OR11H4: variants seen among roughly 807,000 people sequenced by gnomAD.
OR11H4 encodes olfactory receptor 11H4.
For missense variants in OR11H4, 460 were observed against 371.1 expected (o/e 1.24, Z -1.97); for synonymous variants, 162 against 142.3 (o/e 1.14, Z -0.98).
At chr14:20,240,825 T>C (rs2138748490) in intron 1 of OR11H4, among the ~76,000 whole-genome samples, 1 of 152,166 alleles carries the variant, frequency 6.6e-6, no homozygotes, top group African/African-American at 2.4e-5. Context: ...ATCTACCCAC[T>C]TTGGCCTCTC....
chr14:20,240,856 A>C (rs11846995), intron 1 of OR11H4, among the ~76,000 whole-genome samples: 11,604 of 152,172 alleles, frequency 0.076, 1,075 homozygotes, highest in African/African-American at 0.22. Flanking sequence ...AACTATAGGC[A>C]TAAGACATTA....
In OR11H4 at chr14:20,243,745, G is replaced by A; in HGVS notation, c.924G>A (p.Met308Ile). 1 of 1,579,492 alleles carries A rather than the reference G, an allele frequency of 6.3e-7. No individual in the cohort carries two copies. The highest frequency in any genetic ancestry group is 8.6e-7 in the Non-Finnish European group (1 of 1,163,270). The change falls in exon 2 of 2, where the codon ATG (methionine) becomes ATA (isoleucine). Residue 308 changes from methionine to isoleucine, a missense_variant. By Grantham distance (10) the Met-to-Ile change is conservative. Coordinates refer to ENST00000641082, the MANE Select transcript of OR11H4 (RefSeq NM_001004479.2). ...KLALRNVLFG[M>I]RIRQNS The stretch of plus-strand genomic sequence containing the variant: ...CTCTGAGAAATGTCCTGTTTGGAAT[G>A]AGAATTCGTCAAAATTCGTGAGCCA...
In OR11H4 at chr14:20,243,660, T is replaced by A; in HGVS notation, c.839T>A (p.Val280Glu). Residue 280 changes from valine to glutamate, a missense_variant, in exon 2 of 2, where the codon GTA (valine) becomes GAA (glutamate). By Grantham distance (121) the Val-to-Glu change is moderately radical (BLOSUM62 -2). Transcript: ENST00000641082. Reference protein sequence around the residue: ...LQKILTLVYSVTTPLFNPLIY... With the variant: ...LQKILTLVYSETTPLFNPLIY... The stretch of plus-strand genomic sequence containing the variant: ...AAGATCCTCACACTGGTATATTCAG[T>A]AACGACTCCTCTTTTTAATCCTCTG... 1 of 1,614,080 alleles carries A rather than the reference T, an allele frequency of 6.2e-7. No homozygotes were observed. The highest frequency in any genetic ancestry group is 8.5e-7 in the Non-Finnish European group (1 of 1,179,958).
chr14:20,242,829 G>C lies in OR11H4; in HGVS notation c.8G>C (p.Arg3Thr). The C allele has an allele frequency of 1.2e-6, 2 of 1,613,980 alleles. No individual in the cohort carries two copies. The highest frequency in any genetic ancestry group is 1.7e-6 in the Non-Finnish European group (2 of 1,179,912). Residue 3 changes from arginine (R) to threonine (T), a missense_variant, in exon 2 of 2, where the codon AGG becomes ACG. Coordinates refer to ENST00000641082, the MANE Select transcript of OR11H4 (RefSeq NM_001004479.2). MN[R>T]SATHIVTEFI... ...TTTGTAGACTTAAGACCCATGAACA[G>C]GTCAGCAACACACATCGTGACAGAG...
At chr14:20,240,897 C>G (rs950383799) in intron 1 of OR11H4, among the ~76,000 whole-genome samples, 8 of 151,948 alleles carry the variant, frequency 5.3e-5, no homozygotes, top group Non-Finnish European at 1.2e-4. Flanking sequence ...TTTTTTAAGA[C>G]TTAATCAGCA....
rs111641886 is a variant in OR11H4, at chr14:20,242,809, A to G, written c.-11-2A>G. On this transcript the variant is annotated splice_acceptor_variant, in intron 1 of 1. Coordinates refer to ENST00000641082, the MANE Select transcript of OR11H4 (RefSeq NM_001004479.2). LOFTEE classifies it low-confidence loss of function (5UTR_SPLICE). ...TTACACTCATGTCTTTCTTCTTTGT[A>G]GACTTAAGACCCATGAACAGGTCAG... The G allele has an allele frequency of 4.4e-3, 7,029 of 1,612,432 alleles. 17 individuals are homozygous for G. Among genetic ancestry groups the G allele is most frequent in the Non-Finnish European group, 5.2e-3 (6,152 of 1,179,004 alleles).
At chr14:20,241,008 C>G (rs1001020534) in intron 1 of OR11H4, among the ~76,000 whole-genome samples, 4 of 152,034 alleles carry the variant, frequency 2.6e-5, no homozygotes, top group African/African-American at 9.7e-5. Context: ...CTGAAAAGTA[C>G]ATACCTAGTC....
intron 1 of OR11H4, among the ~76,000 whole-genome samples, chr14:20,242,172 A>G (rs890004531): frequency 4.6e-5 from 7 of 151,924 alleles, no homozygotes; most frequent in Non-Finnish European, 1.0e-4. Context: ...GGTCTTTCTC[A>G]TCCCACGAGG....
intron 1 of OR11H4, 82 bp downstream of exon 1, chr14:20,239,413 G>C (rs1479464215): frequency 2.0e-5 from 3 of 152,342 alleles, no homozygotes; most frequent in African/African-American, 4.8e-5. Flanking sequence ...AGCTGGTTTC[G>C]GCCGGGCGCG....
rs375864796 is a variant in OR11H4 at position 20,243,033 on chromosome 14, T to A, written c.212T>A (p.Ile71Asn). The A allele has an allele frequency of 2.0e-5, 32 of 1,614,064 alleles. No individual in the cohort carries two copies. The highest frequency in any genetic ancestry group is 1.9e-5 in the Non-Finnish European group (23 of 1,180,052). ...FLLGNFAFLE[I>N]WYVSSTIPNM... ...CTGGGAAATTTTGCCTTCCTTGAGATCTGGTATGTGTCCTCCACTATTCCT... is the reference window on the plus strand; with the variant it reads ...CTGGGAAATTTTGCCTTCCTTGAGAACTGGTATGTGTCCTCCACTATTCCT... Residue 71 changes from isoleucine to asparagine, a missense_variant, in exon 2 of 2, where the codon ATC becomes AAC. Ile to Asn is a moderately radical substitution (Grantham distance 149, BLOSUM62 -3). Coordinates refer to ENST00000641082, the MANE Select transcript of OR11H4 (RefSeq NM_001004479.2).
intron 1 of OR11H4, among the ~76,000 whole-genome samples, chr14:20,242,272 T>C (rs1594243135): frequency 6.6e-6 from 1 of 152,172 alleles, no homozygotes; most frequent in South Asian, 2.1e-4. Flanking sequence ...CAGTGCATTG[T>C]GCCCCTGGTT....
chr14:20,242,018 A>G (rs572025045), intron 1 of OR11H4, among the ~76,000 whole-genome samples: 7 of 152,044 alleles, frequency 4.6e-5, no homozygotes, highest in Non-Finnish European at 7.4e-5. Flanking sequence ...CAAATGTACA[A>G]TCGGGTTTTA....
chr14:20,239,819 T>C (rs1880877534), intron 1 of OR11H4, among the ~76,000 whole-genome samples: 1 of 152,200 alleles, frequency 6.6e-6, no homozygotes, highest in Non-Finnish European at 1.5e-5. Flanking sequence ...TCTATTCTAA[T>C]TACCTAACTA....
At position 20,243,886 on chromosome 14, in the gene OR11H4, G is replaced by T. The variant is rs1021229997; in HGVS notation, c.*120G>T. 5.2e-6 allele frequency: 5 copies of T among 969,724 alleles called. No homozygotes were observed. The highest frequency in any genetic ancestry group is 1.6e-5 in the African/African-American group (1 of 60,924). The allele number at this position is 969,724 out of a possible 1,614,324, so 60.1% of individuals were successfully genotyped here. On this transcript the variant is annotated 3_prime_UTR_variant, in exon 2 of 2. Transcript: ENST00000641082. The stretch of plus-strand genomic sequence containing the variant: ...TAGAGGTTGTATATTTTACCTGGAA[G>T]TGTGCCCAGCTTAAATATGTTTCCA...
intron 1 of OR11H4, among the ~76,000 whole-genome samples, chr14:20,241,119 C>T (rs531151621): frequency 9.9e-5 from 15 of 151,736 alleles, no homozygotes; most frequent in Non-Finnish European, 1.9e-4. Context: ...TTTAGAAAAT[C>T]CCTTTGTTTT....
At position 20,243,508 on chromosome 14, in the gene OR11H4, T is replaced by C. The variant is rs1174048044; in HGVS notation, c.687T>C (p.Pro229=). The C allele has an allele frequency of 3.7e-6, 6 of 1,613,832 alleles. No homozygotes were observed. In the African/African-American group the frequency reaches 8.0e-5, roughly 22 times the overall value. ...ILLLTAVFQV[P]SAAGRRKAFS... is the part of the protein sequence containing the mutation. ...TACTAACAGCTGTTTTTCAGGTCCC[T>C]TCTGCAGCTGGTCGGAGAAAAGCCT... Residue 229 remains proline (P), a synonymous_variant, in exon 2 of 2, where the codon CCT becomes CCC. Transcript: ENST00000641082.
At chr14:20,242,405 T>C (rs79842895) in intron 1 of OR11H4, among the ~76,000 whole-genome samples, 6,685 of 152,264 alleles carry the variant, frequency 0.044, 482 homozygotes, top group African/African-American at 0.15. Flanking sequence ...ACACACGTTT[T>C]TGTGAGCTCC....
rs750341829 is a variant in OR11H4 at position 20,243,783 on chromosome 14, A to G, written c.*17A>G. ...AATTCGTGAGCCAAAGATGTGCCATACTTACAAGTTCTAACGAAGAACAAG... is the reference window on the plus strand; with the variant it reads ...AATTCGTGAGCCAAAGATGTGCCATGCTTACAAGTTCTAACGAAGAACAAG... On this transcript the variant is annotated 3_prime_UTR_variant, in exon 2 of 2. Transcript: ENST00000641082. The G allele has an allele frequency of 9.7e-6, 15 of 1,552,616 alleles. No homozygotes were observed. The South Asian group carries it at 1.9e-4, about 19-fold the overall frequency.
chr14:20,243,309 T>C lies in OR11H4; in HGVS notation c.488T>C (p.Ile163Thr), dbSNP rs753232463. Residue 163 changes from isoleucine to threonine, a missense_variant, in exon 2 of 2, where the codon ATC becomes ACC. Physicochemically the swap from Ile to Thr is moderately conservative, Grantham distance 89 (BLOSUM62 -1). Transcript: ENST00000641082. ...GGATACCCAATTCCCATTTTCTACA[T>C]CTCCCAACTCCCCTTCTGTGGTCCT... Reference protein sequence around the residue: ...FLGYPIPIFYISQLPFCGPNI... With the variant: ...FLGYPIPIFYTSQLPFCGPNI... The C allele has an allele frequency of 6.2e-7, 1 of 1,614,076 alleles. No individual in the cohort carries two copies. Among genetic ancestry groups the C allele is most frequent in the Admixed American group, 1.7e-5 (1 of 60,006 alleles).
Sources: gnomAD v4.1 joint callset for allele counts (sites outside exome capture counted in the v4.1 genomes callset) on GRCh38, gnomAD v4.1.1 for gene constraint, MANE v1.5 for transcripts, NCBI Gene and HGNC (gene_info 2026-07-23, HGNC 2026-07-21) for gene names.